Variants in MED1 observed in about 807,000 individuals in gnomAD.
The protein encoded by MED1 is mediator complex subunit 1, also known as mediator of RNA polymerase II transcription subunit 1.
A neutral mutation model predicts 121.3 loss-of-function variants in MED1; 17 were observed. The observed-to-expected ratio is 0.14, with a 90% CI of 0.10 to 0.21. The LOEUF (loss-of-function observed/expected upper bound fraction) is 0.21, where lower values mean the gene tolerates loss of function less well. Among genes scored for constraint, MED1 ranks in the 10% least tolerant of loss-of-function variants. The probability of loss-of-function intolerance (pLI) is 1.00; values close to 1 mark genes in which losing one functional copy is unlikely to be tolerated. For missense variants in MED1, 1,558 were observed against 1,919.4 expected, an observed-to-expected ratio of 0.81 and a Z score of 3.52; for synonymous variants, 661 against 694.4, an observed-to-expected ratio of 0.95 and a Z score of 0.76.
At position 39,409,381 on chromosome 17, in the gene MED1, A is replaced by G. The variant is rs775665964; in HGVS notation, c.2840T>C (p.Met947Thr). The G allele has an allele frequency of 1.1e-5, 17 of 1,614,066 alleles. No homozygotes were observed. The highest frequency in any genetic ancestry group is 2.2e-5 in the East Asian group (1 of 44,886). ...ACCCTGACTACCACTGTGATGCTCC[A>G]TAAGATCTGCAGGAGCTAAAGCTTT... ...AGKALAPADLMEHHSGSQGPL... is the reference protein window; with the variant it reads ...AGKALAPADLTEHHSGSQGPL... Residue 947 changes from methionine to threonine, a missense_variant, in exon 17 of 17, where the codon ATG becomes ACG. By Grantham distance (81) the Met-to-Thr change is moderately conservative. Coordinates refer to ENST00000300651, the MANE Select transcript of MED1 (RefSeq NM_004774.4).
At chr17:39,430,712 A>C (rs2048558040) in intron 9 of MED1, among the ~76,000 whole-genome samples, 1 of 130,470 alleles carries the variant, frequency 7.7e-6, no homozygotes, top group African/African-American at 2.8e-5. Flanking sequence ...AAAAAAAAAC[A>C]GAATAAAAAT....
intron 10 of MED1, among the ~76,000 whole-genome samples, chr17:39,425,147 AGGATTACAGGTG>A (rs1200984272): frequency 1.3e-5 from 2 of 151,998 alleles, no homozygotes; most frequent in Non-Finnish European, 2.9e-5. Flanking sequence ...CCGAAGGACT[AGGATTACAGGTG>A]GGATTACAGG....
intron 3 of MED1, among the ~76,000 whole-genome samples, chr17:39,442,405 G>A (rs770974035): frequency 6.6e-6 from 1 of 151,512 alleles, no homozygotes; most frequent in Non-Finnish European, 1.5e-5. Context: ...ATACTATCCT[G>A]GCTAACACGG....
intron 7 of MED1, among the ~76,000 whole-genome samples, chr17:39,432,934 G>A (rs538152975): frequency 1.4e-4 from 21 of 152,062 alleles, no homozygotes; most frequent in Non-Finnish European, 2.9e-4. Context: ...GTGGCTGGGC[G>A]CAATGTCTCA....
At chr17:39,434,374 C>T (rs759333661) in intron 6 of MED1, 54 bp from the exon 7 acceptor site, 23 of 903,534 alleles carry the variant, frequency 2.5e-5, no homozygotes, top group Non-Finnish European at 3.9e-5. Context: ...CATAAAATTA[C>T]TACTCAATCT....
intron 9 of MED1, among the ~76,000 whole-genome samples, chr17:39,428,803 T>G (rs1251816292): frequency 6.7e-6 from 1 of 149,272 alleles, no homozygotes; most frequent in African/African-American, 2.5e-5. Context: ...ATACAAAAAA[T>G]TAGCCAGGCA....
In MED1 at chr17:39,406,090, C is replaced by A. The variant is rs1320520723; in HGVS notation, c.*1385G>T. Reference sequence around the variant, plus strand: ...CTTCTGTTGCACTCGAAACAGTCTCCTGGATTTCTATATTTTTATGTGAAG... The same window carrying A: ...CTTCTGTTGCACTCGAAACAGTCTCATGGATTTCTATATTTTTATGTGAAG... On this transcript the variant is annotated 3_prime_UTR_variant, in exon 17 of 17. Coordinates refer to ENST00000300651, the MANE Select transcript of MED1 (RefSeq NM_004774.4). 1.0e-6 allele frequency: 1 copy of A among 985,356 alleles called. No individual in the cohort carries two copies. Among genetic ancestry groups the A allele is most frequent in the Non-Finnish European group, 1.2e-6 (1 of 829,922 alleles). The allele number at this position is 985,356 out of a possible 1,614,324, so 61.0% of individuals were successfully genotyped here.
At chr17:39,422,127 CA>C (rs34447753) in intron 13 of MED1, among the ~76,000 whole-genome samples, 88,894 of 130,032 alleles carry the variant, frequency 0.68, 29,706 homozygotes, top group South Asian at 0.88. Context: ...GACTCCGTCT[CA>C]AAAAAAAAAA....
At chr17:39,417,321 C>T (rs1207418748) in intron 14 of MED1, among the ~76,000 whole-genome samples, 1 of 147,718 alleles carries the variant, frequency 6.8e-6, no homozygotes, top group Non-Finnish European at 1.5e-5. Flanking sequence ...CCAAGCAAGA[C>T]TCCGTCTCAA....
chr17:39,435,117 G>A (rs1266453062), intron 6 of MED1, among the ~76,000 whole-genome samples: 5 of 152,210 alleles, frequency 3.3e-5, no homozygotes, highest in South Asian at 2.1e-4. Flanking sequence ...GCAGTGAGCC[G>A]AGATCGCGCC....
intron 2 of MED1, among the ~76,000 whole-genome samples, 182 bp from the exon 3 acceptor site, chr17:39,443,810 A>AAAGGAAGAC (rs1332796983): frequency 1.2e-4 from 1 of 8,104 alleles, no homozygotes; most frequent in Non-Finnish European, 5.2e-4. Flanking sequence ...CCATCCATGC[A>AAAGGAAGAC]AAATCCATAT....
chr17:39,439,981 AGAAAGAAGGAAGGAAGGAAG>A (rs1166649434), intron 5 of MED1, among the ~76,000 whole-genome samples: 3 of 119,542 alleles, frequency 2.5e-5, no homozygotes, highest in African/African-American at 9.4e-5. Flanking sequence ...AAAGAAAGAA[AGAAAGAAGGAAGGAAGGAAG>A]GAAGGAAGGA....
intron 16 of MED1, among the ~76,000 whole-genome samples, chr17:39,414,377 C>G (rs1156556592): frequency 1.3e-5 from 2 of 151,234 alleles, no homozygotes; most frequent in African/African-American, 2.4e-5. Flanking sequence ...ACTCTGTTGC[C>G]CAGGCTGGAG....
intron 13 of MED1, among the ~76,000 whole-genome samples, chr17:39,422,745 G>A (rs1311648300): frequency 6.6e-6 from 1 of 151,742 alleles, no homozygotes; most frequent in Non-Finnish European, 1.5e-5. Flanking sequence ...AAATTCCTGG[G>A]ATTACAGGTG....
At chr17:39,411,972 A>C (rs2048359434) in intron 16 of MED1, among the ~76,000 whole-genome samples, 1 of 150,756 alleles carries the variant, frequency 6.6e-6, no homozygotes, top group African/African-American at 2.4e-5. Flanking sequence ...GTGCCATGGC[A>C]CTCCAGCCCA....
At position 39,427,677 on chromosome 17, in the gene MED1, A is replaced by C. The variant is rs181055216; in HGVS notation, c.739+24T>G. 58 of 1,530,868 alleles carry C rather than the reference A, an allele frequency of 3.8e-5. No individual in the cohort carries two copies. The African/African-American group carries it at 7.7e-4, about 20-fold the overall frequency. 94.8% of individuals were successfully genotyped at this position (1,530,868 alleles called of 1,614,324 possible). Reference sequence around the variant, plus strand: ...AGCTGGGCACCGAACAAAACCTTTAATTCCTTTACAATTAAAGTCTTACCA... The same window carrying C: ...AGCTGGGCACCGAACAAAACCTTTACTTCCTTTACAATTAAAGTCTTACCA... On this transcript the variant is annotated intron_variant, in intron 10 of 16. Transcript: ENST00000300651.
chr17:39,423,611 A>G, intron 12 of MED1, 86 bp downstream of exon 12: 3 of 1,568,796 alleles, frequency 1.9e-6, no homozygotes. Context: ...GAGGCATGTA[A>G]GACTGAAAGA....
At chr17:39,417,147 C>T (rs1178720708) in intron 14 of MED1, among the ~76,000 whole-genome samples, 1 of 151,812 alleles carries the variant, frequency 6.6e-6, no homozygotes, top group Non-Finnish European at 1.5e-5. Context: ...CTGGCCAACT[C>T]GACGAAACCC....
Position 39,423,836 on chromosome 17 carries a change from G to T in MED1, c.852-15C>A. The T allele has an allele frequency of 1.3e-6, 2 of 1,591,538 alleles. No homozygotes were observed. Among genetic ancestry groups the T allele is most frequent in the Non-Finnish European group, 8.5e-7 (1 of 1,172,986 alleles). ...AGGAAGGGGTCCTTCAAAAAAAAGA[G>T]GGTGGAAGGGTTGGATTCTGACTTG... On this transcript the variant is annotated splice_polypyrimidine_tract_variant and intron_variant, in intron 11 of 16. Coordinates refer to ENST00000300651, the MANE Select transcript of MED1 (RefSeq NM_004774.4).
Sources: gnomAD v4.1 joint callset for allele counts (sites outside exome capture counted in the v4.1 genomes callset) on GRCh38, gnomAD v4.1.1 for gene constraint, MANE v1.5 for transcripts, NCBI Gene and HGNC (gene_info 2026-07-23, HGNC 2026-07-21) for gene names.